CSMD1: variants seen among roughly 807,000 people sequenced by gnomAD.
CSMD1 encodes the protein CUB and sushi domain-containing protein 1.
In CSMD1, 213 loss-of-function variants were observed where a neutral mutation model predicts 417.5. The ratio of observed to expected loss-of-function variants is 0.51; its 90% CI spans 0.46 to 0.57. The LOEUF (loss-of-function observed/expected upper bound fraction) is 0.57. Among genes scored for constraint, CSMD1 ranks in the 20% least tolerant of loss-of-function variants. The pLI is 0.00. For missense variants in CSMD1, 6,923 were observed against 4,529.7 expected, an observed-to-expected ratio of 1.53 and a Z score of -15.17; for synonymous variants, 2,862 against 1,736.8, an observed-to-expected ratio of 1.65 and a Z score of -16.11.
chr8:4,828,468 T>G (rs1004771598), intron 1 of CSMD1, among the ~76,000 whole-genome samples: 2 of 152,096 alleles, frequency 1.3e-5, no homozygotes, highest in African/African-American at 4.8e-5. Flanking sequence ...TTCAGGGAGC[T>G]TCTGCTGTTT....
intron 3 of CSMD1, among the ~76,000 whole-genome samples, chr8:4,138,075 T>A (rs1803543978): frequency 3.3e-5 from 4 of 121,982 alleles, no homozygotes; most frequent in Non-Finnish European, 5.3e-5. Flanking sequence ...TTTTTTTTTT[T>A]TTTTTTTTTT....
chr8:3,954,679 T>C (rs564398189), intron 5 of CSMD1, among the ~76,000 whole-genome samples: 7 of 152,328 alleles, frequency 4.6e-5, no homozygotes, highest in African/African-American at 1.7e-4. Flanking sequence ...AGGACTTGTA[T>C]AGACTCCCCT....
chr8:4,490,542 A>G (rs929029344), intron 2 of CSMD1, among the ~76,000 whole-genome samples: 10 of 152,216 alleles, frequency 6.6e-5, no homozygotes, highest in Non-Finnish European at 1.5e-4. Context: ...ATGAACTGTC[A>G]TAGATGCTAA....
intron 10 of CSMD1, among the ~76,000 whole-genome samples, chr8:3,561,607 A>C (rs1445888702): frequency 6.6e-6 from 1 of 152,150 alleles, no homozygotes; most frequent in Admixed American, 6.6e-5. Flanking sequence ...AACAACAGAC[A>C]CTGGTCACTC....
chr8:4,420,890 C>T (rs1368173979), intron 2 of CSMD1, among the ~76,000 whole-genome samples: 1 of 152,116 alleles, frequency 6.6e-6, no homozygotes, highest in Non-Finnish European at 1.5e-5. Context: ...TGTCCTCTTT[C>T]ACCCTCCTAG....
At chr8:3,738,132 A>C (rs980429331) in intron 6 of CSMD1, among the ~76,000 whole-genome samples, 6 of 152,192 alleles carry the variant, frequency 3.9e-5, no homozygotes, top group Admixed American at 3.9e-4. Context: ...TATTTACTAA[A>C]TACATTTAGT....
At chr8:3,461,162 A>G (rs76831451) in intron 12 of CSMD1, among the ~76,000 whole-genome samples, 2,638 of 152,316 alleles carry the variant, frequency 0.017, 86 homozygotes, top group African/African-American at 0.06. Context: ...GAGAGGGCTC[A>G]TAGCTGCACA....
intron 1 of CSMD1, among the ~76,000 whole-genome samples, chr8:4,916,060 C>G (rs1181036638): frequency 6.6e-6 from 1 of 152,180 alleles, no homozygotes; most frequent in Non-Finnish European, 1.5e-5. Flanking sequence ...GGAAAGGCAA[C>G]GCCAGCACTT....
chr8:4,533,647 A>T (rs558543017), intron 2 of CSMD1, among the ~76,000 whole-genome samples: 2 of 152,272 alleles, frequency 1.3e-5, no homozygotes, highest in African/African-American at 4.8e-5. Flanking sequence ...GCAGACCCCA[A>T]AACGATGTCA....
chr8:4,414,595 G>C (rs1300829746), intron 3 of CSMD1, among the ~76,000 whole-genome samples: 4 of 151,658 alleles, frequency 2.6e-5, no homozygotes, highest in Admixed American at 1.3e-4. Flanking sequence ...AATCAATTCA[G>C]TGATTTTTTT....
At chr8:4,468,136 A>T (rs1800301919) in intron 2 of CSMD1, among the ~76,000 whole-genome samples, 1 of 152,178 alleles carries the variant, frequency 6.6e-6, no homozygotes, top group Non-Finnish European at 1.5e-5. Context: ...TTTTGACTAA[A>T]AAAAGCCTAC....
At chr8:3,618,992 G>A (rs540997627) in intron 7 of CSMD1, among the ~76,000 whole-genome samples, 38 of 152,212 alleles carry the variant, frequency 2.5e-4, no homozygotes, top group African/African-American at 8.9e-4. Context: ...GCATAATTGG[G>A]ATCTCTGGCT....
At chr8:4,394,797 G>A (rs1207168326) in intron 3 of CSMD1, among the ~76,000 whole-genome samples, 1 of 152,102 alleles carries the variant, frequency 6.6e-6, no homozygotes. Flanking sequence ...CCTCACCTTA[G>A]TTTTCAGCTG....
At chr8:4,126,387 C>T (rs1802766664) in intron 3 of CSMD1, among the ~76,000 whole-genome samples, 1 of 152,196 alleles carries the variant, frequency 6.6e-6, no homozygotes, top group African/African-American at 2.4e-5. Flanking sequence ...GCATTCACAC[C>T]AGAATGGTGC....
intron 7 of CSMD1, among the ~76,000 whole-genome samples, chr8:3,693,350 C>G (rs1345568962): frequency 6.6e-6 from 1 of 151,664 alleles, no homozygotes; most frequent in Admixed American, 6.6e-5. Flanking sequence ...TGTCAGATGT[C>G]CAAGAAATGA....
At chr8:3,777,833 C>T (rs2623654) in intron 5 of CSMD1, among the ~76,000 whole-genome samples, 2 of 99,276 alleles carry the variant, frequency 2.0e-5, no homozygotes, top group Non-Finnish European at 4.1e-5. Flanking sequence ...AGACCCGCAG[C>T]CTCCTTGAAG....
chr8:3,767,842 A>T (rs990839338), intron 5 of CSMD1, among the ~76,000 whole-genome samples: 11 of 152,206 alleles, frequency 7.2e-5, no homozygotes, highest in Non-Finnish European at 1.6e-4. Context: ...GGAAATGCCC[A>T]GTGGGTCAGA....
intron 5 of CSMD1, among the ~76,000 whole-genome samples, chr8:3,911,739 A>C (rs1161451304): frequency 6.6e-6 from 1 of 152,102 alleles, no homozygotes; most frequent in Non-Finnish European, 1.5e-5. Flanking sequence ...CTTTATTCTA[A>C]GACTTTTCCA....
At chr8:4,599,311 G>C (rs1024595925) in intron 2 of CSMD1, among the ~76,000 whole-genome samples, 3 of 152,032 alleles carry the variant, frequency 2.0e-5, no homozygotes, top group Non-Finnish European at 4.4e-5. Flanking sequence ...CTTCATTACT[G>C]TGTAGTCAAC....
Sources: allele counts gnomAD v4.1 joint callset (sites outside exome capture counted in the v4.1 genomes callset), GRCh38; gene constraint gnomAD v4.1.1; transcripts MANE v1.5; gene names NCBI Gene and HGNC (gene_info 2026-07-23, HGNC 2026-07-21).